The following PGM3 variants were observed in gnomAD, a reference collection of about 807,000 sequenced individuals.
The protein encoded by PGM3 is phosphoglucomutase 3.
In PGM3, 40 loss-of-function variants were observed where a neutral mutation model predicts 66.2. The observed-to-expected ratio is 0.60, with a 90% CI of 0.47 to 0.79. The LOEUF (loss-of-function observed/expected upper bound fraction) is 0.79. Among genes scored for constraint, PGM3 ranks in the 30% least tolerant of loss-of-function variants. The pLI, the probability that PGM3 is intolerant of heterozygous loss-of-function variation, is 0.00. For synonymous variants in PGM3, 191 were observed against 224.2 expected (o/e 0.85, Z 1.32); for missense variants, 537 against 643.4 (o/e 0.83, Z 1.79).
chr6:83,189,162 C>T (rs969952260), intron 2 of PGM3, among the ~76,000 whole-genome samples: 1 of 152,160 alleles, frequency 6.6e-6, no homozygotes, highest in Non-Finnish European at 1.5e-5. Flanking sequence ...CCACACTAGC[C>T]TTTGTAAAAG....
chr6:83,166,175 C>G lies in PGM3; in HGVS notation c.*3059G>C, dbSNP rs1207905908. 2.0e-6 allele frequency: 1 copy of G among 503,122 alleles called. No individual in the cohort carries two copies. Among genetic ancestry groups the G allele is most frequent in the Non-Finnish European group, 3.5e-6 (1 of 286,132 alleles). The allele number at this position is 503,122 out of a possible 1,614,324, so 31.2% of individuals were successfully genotyped here. A position where few individuals can be genotyped will look rare whatever the true frequency, so the allele number is the denominator to read the frequency against. Reference sequence around the variant, plus strand: ...TATTTTTCACTCAGCTCATGAGGCACCCATTTATTGAGCTTTTTCACCTTT... The same window carrying G: ...TATTTTTCACTCAGCTCATGAGGCAGCCATTTATTGAGCTTTTTCACCTTT... On this transcript the variant is annotated 3_prime_UTR_variant, in exon 13 of 13. Coordinates refer to ENST00000513973, the MANE Select transcript of PGM3 (RefSeq NM_015599.3).
chr6:83,157,154 T>C (rs1396232494), downstream of PGM3: 2 of 1,602,752 alleles, frequency 1.2e-6, no homozygotes, highest in Non-Finnish European at 1.7e-6. Flanking sequence ...ATTATTTAGT[T>C]ATTGAAAATG....
At position 83,174,481 on chromosome 6, in the gene PGM3, A is replaced by G. The variant is rs774568856; in HGVS notation, c.1135T>C (p.Phe379Leu). ...ATCTTCATTTCAACAGCTGTACTAA[A>G]CAGTGCCTGCAGCAAAAGAATATAA... Reference protein sequence around the residue: ...FEANGHGTALFSTAVEMKIKQ... With the variant: ...FEANGHGTALLSTAVEMKIKQ... The change falls in exon 10 of 13, where the codon TTT (phenylalanine) becomes CTT (leucine). Residue 379 changes from phenylalanine (F) to leucine (L), a missense_variant. Coordinates refer to ENST00000513973, the MANE Select transcript of PGM3 (RefSeq NM_015599.3). 19 of 1,538,406 alleles carry G rather than the reference A, an allele frequency of 1.2e-5. No homozygotes were observed. The highest frequency in any genetic ancestry group is 1.6e-5 in the Non-Finnish European group (18 of 1,124,590).
intron 8 of PGM3, among the ~76,000 whole-genome samples, chr6:83,176,585 G>A (rs1234887714): frequency 1.3e-5 from 2 of 152,214 alleles, no homozygotes; most frequent in Non-Finnish European, 2.9e-5. Context: ...ATGGAATGAG[G>A]AGGCTTCTAG....
downstream of PGM3, among the ~76,000 whole-genome samples, chr6:83,163,641 C>T (rs983514779): frequency 1.3e-5 from 2 of 152,218 alleles, no homozygotes; most frequent in Non-Finnish European, 2.9e-5. Flanking sequence ...GCTATATAAC[C>T]GAATCTAAAG....
At position 83,190,766 on chromosome 6, in the gene PGM3, T is replaced by TTG; in HGVS notation, c.204+41_204+42dup. ...TTTGCTCAGACACTAAGGCTTGGTC[T>TTG]TGTAAATAATGGTCTGCTTTATCAG... On this transcript the variant is annotated intron_variant, in intron 2 of 12. Coordinates refer to ENST00000513973, the MANE Select transcript of PGM3 (RefSeq NM_015599.3). 2 of 1,460,422 alleles carry TTG rather than the reference T, an allele frequency of 1.4e-6. 1 individual carries two copies. Among genetic ancestry groups the TTG allele is most frequent in the South Asian group, 2.3e-5 (2 of 87,916 alleles). The allele number at this position is 1,460,422 out of a possible 1,614,324, so 90.5% of individuals were successfully genotyped here.
At chr6:83,174,660 G>A (rs1787619119) in intron 9 of PGM3, among the ~76,000 whole-genome samples, 173 bp from the exon 10 acceptor site, 1 of 152,150 alleles carries the variant, frequency 6.6e-6, no homozygotes, top group South Asian at 2.1e-4. Flanking sequence ...TTAAAACCCA[G>A]AGGATAGTAC....
upstream of PGM3, chr6:83,193,806 T>A (rs1789400179): frequency 1.3e-5 from 2 of 152,286 alleles, no homozygotes; most frequent in Admixed American, 1.3e-4. Flanking sequence ...TTTAATGACC[T>A]CTGAGACACC....
At position 83,191,104 on chromosome 6, in the gene PGM3, C is replaced by A. The variant is rs533370490; in HGVS notation, c.-2-90G>T. ...AAACTGCCACCCCAAACGAATAGGT[C>A]TGTCTCATCCTGAACCTCCTCAAAG... On this transcript the variant is annotated intron_variant, in intron 1 of 12. Coordinates refer to ENST00000513973, the MANE Select transcript of PGM3 (RefSeq NM_015599.3). 1.3e-4 allele frequency: 191 copies of A among 1,449,940 alleles called. No homozygotes were observed. The African/African-American group carries it at 2.5e-3, about 19-fold the overall frequency. The allele number at this position is 1,449,940 out of a possible 1,614,324, so 89.8% of individuals were successfully genotyped here.
At chr6:83,156,260 T>C (rs1240802392), downstream of PGM3, among the ~76,000 whole-genome samples, 1 of 152,238 alleles carries the variant, frequency 6.6e-6, no homozygotes, top group African/African-American at 2.4e-5. Context: ...TTATCAATGC[T>C]GGCATCTAAA....
At position 83,191,662 on chromosome 6, in the gene PGM3, T is replaced by C. The variant is rs59542025; in HGVS notation, c.-2-648A>G. On this transcript the variant is annotated intron_variant, in intron 1 of 12. Coordinates refer to ENST00000513973, the MANE Select transcript of PGM3 (RefSeq NM_015599.3). ...CTCTAAAACTAGCAATATCTTCTTC[T>C]GAAAGAATGCCACCTTTTTCCTTTA... Among the ~76,000 whole-genome samples, 53,076 of 151,978 alleles carry C rather than the reference T, an allele frequency of 0.35. 10,707 individuals carry two copies. Among genetic ancestry groups the C allele is most frequent in the African/African-American group, 0.56 (23,283 of 41,410 alleles).
downstream of PGM3, chr6:83,162,801 C>T (rs1562388807): frequency 6.2e-7 from 1 of 1,611,760 alleles, no homozygotes; most frequent in Non-Finnish European, 8.5e-7. Context: ...TACCGATGGG[C>T]CTTTATTCCA....
intron 2 of PGM3, chr6:83,190,585 A>G: frequency 1.7e-6 from 1 of 573,472 alleles, no homozygotes; most frequent in South Asian, 2.2e-5. Flanking sequence ...TAATATGGAC[A>G]CTCCAAAAAA....
At chr6:83,191,505 C>T (rs1789050273) in intron 1 of PGM3, among the ~76,000 whole-genome samples, 2 of 152,164 alleles carry the variant, frequency 1.3e-5, no homozygotes, top group Admixed American at 1.3e-4. Flanking sequence ...CTTTGTGGTT[C>T]TTTTGCTATT....
At chr6:83,151,873 A>AT in the PGM3 span, 3 of 1,612,870 alleles carry the variant, frequency 1.9e-6, no homozygotes, top group South Asian at 1.1e-5. Flanking sequence ...GTTCTTCCTT[A>AT]TTTTTTTAGG....
Position 83,165,781 on chromosome 6 carries a change from G to T in PGM3, c.*3453C>A. Reference sequence around the variant, plus strand: ...CGAAGCGTTGGTTGTGCAACGTGCGGCCCAGTGTTGTCGTGAAAAGAATTG... The same window carrying T: ...CGAAGCGTTGGTTGTGCAACGTGCGTCCCAGTGTTGTCGTGAAAAGAATTG... On this transcript the variant is annotated 3_prime_UTR_variant, in exon 13 of 13. Coordinates refer to ENST00000513973, the MANE Select transcript of PGM3 (RefSeq NM_015599.3). 1 of 275,020 alleles carries T rather than the reference G, an allele frequency of 3.6e-6. No individual in the cohort carries two copies. Among genetic ancestry groups the T allele is most frequent in the Non-Finnish European group, 7.4e-6 (1 of 135,636 alleles). 17.0% of individuals were successfully genotyped at this position (275,020 alleles called of 1,614,324 possible).
chr6:83,173,810 C>T (rs1787523042), intron 10 of PGM3, among the ~76,000 whole-genome samples: 1 of 152,162 alleles, frequency 6.6e-6, no homozygotes, highest in South Asian at 2.1e-4. Context: ...GATCTTGGCT[C>T]ACTGCAAGCT....
rs577648508 is a variant in PGM3, at chr6:83,166,303, T to C, written c.*2931A>G. 3 of 638,518 alleles carry C rather than the reference T, an allele frequency of 4.7e-6. No homozygotes were observed. The highest frequency in any genetic ancestry group is 1.9e-5 in the South Asian group (1 of 53,302). 39.6% of individuals were successfully genotyped at this position (638,518 alleles called of 1,614,324 possible). ...GGATCAGCTTCGATGATGTTCTCAA[T>C]TGGTCATTATCAATTTCCGATGACT... is the stretch of plus-strand genomic sequence containing the variant. On this transcript the variant is annotated 3_prime_UTR_variant, in exon 13 of 13. Coordinates refer to ENST00000513973, the MANE Select transcript of PGM3 (RefSeq NM_015599.3).
At chr6:83,161,968 G>C (rs1177877645), downstream of PGM3, among the ~76,000 whole-genome samples, 2 of 152,040 alleles carry the variant, frequency 1.3e-5, no homozygotes, top group Non-Finnish European at 2.9e-5. Context: ...CTGTTAAAAA[G>C]AATGAAGTTT....
Sources: allele counts gnomAD v4.1 joint callset (sites outside exome capture counted in the v4.1 genomes callset), GRCh38; gene constraint gnomAD v4.1.1; transcripts MANE v1.5; gene names NCBI Gene and HGNC (gene_info 2026-07-23, HGNC 2026-07-21).